Variants in TBC1D8B observed in about 807,000 individuals in gnomAD.
TBC1D8B encodes the protein RP11-321G1.1.
TBC1D8B carries 75 observed loss-of-function variants against 82.9 expected under a neutral mutation model. That is an observed-to-expected ratio of 0.90 (90% CI 0.75 to 1.10). The LOEUF (loss-of-function observed/expected upper bound fraction) is 1.10. Among genes scored for constraint, TBC1D8B ranks in the 50% least tolerant of loss-of-function variants. The probability of loss-of-function intolerance (pLI) is 0.00; values close to 1 mark genes in which losing one functional copy is unlikely to be tolerated. For synonymous variants in TBC1D8B, 276 were observed against 276.8 expected (o/e 1.00, Z 0.03); for missense variants, 794 against 796.9 (o/e 1.00, Z 0.04).
chrX:106,825,362 G>A (rs749773088), intron 5 of TBC1D8B, among the ~76,000 whole-genome samples: 43 of 111,191 alleles, frequency 3.9e-4, no homozygotes, highest in Middle Eastern at 4.7e-3. Flanking sequence ...CAATTGTTTC[G>A]TGTGCCTAGA....
rs930315510 is a variant in TBC1D8B at position 106,802,690 on chromosome X, C to T, written c.-164C>T. On this transcript the variant is annotated 5_prime_UTR_variant, in exon 1 of 21. It adds an upstream start codon to the 5' untranslated region. Coordinates refer to ENST00000357242, the MANE Select transcript of TBC1D8B (RefSeq NM_017752.3). ...AGGGAATTGGCAATCTCTCTGCCTA[C>T]GTGGGAGAGAAGGGAGGGTTGGGGG... 14 of 668,343 alleles carry T rather than the reference C, an allele frequency of 2.1e-5. No individual in the cohort carries two copies. 55.1% of individuals were successfully genotyped at this position (668,343 alleles called of 1,213,427 possible).
intron 1 of TBC1D8B, among the ~76,000 whole-genome samples, chrX:106,803,510 CTG>C (rs1346304628): frequency 1.8e-5 from 2 of 111,137 alleles, no homozygotes; most frequent in East Asian, 5.7e-4. Flanking sequence ...GGAGGGAGAA[CTG>C]GAGTCAGGAG....
chrX:106,873,727 G>T lies in TBC1D8B; in HGVS notation c.3125G>T (p.Gly1042Val). 6 of 1,211,784 alleles carry T rather than the reference G, an allele frequency of 5.0e-6. No individual in the cohort carries two copies. The highest frequency in any genetic ancestry group is 6.7e-6 in the Non-Finnish European group (6 of 895,533). Residue 1042 changes from glycine (G) to valine (V), a missense_variant, in exon 21 of 21, where the codon GGA becomes GTA. By Grantham distance (109) the Gly-to-Val change is moderately radical. Transcript: ENST00000357242. ...KLHSPTSSAK[G>V]FSGTVCGSGG... Reference sequence around the variant, plus strand: ...CATAGCCCTACATCATCAGCCAAAGGATTCTCTGGTACTGTCTGTGGTTCT... The same window carrying T: ...CATAGCCCTACATCATCAGCCAAAGTATTCTCTGGTACTGTCTGTGGTTCT...
intron 14 of TBC1D8B, among the ~76,000 whole-genome samples, chrX:106,855,480 A>G (rs939377757): frequency 1.2e-4 from 13 of 112,023 alleles, no homozygotes; most frequent in Non-Finnish European, 2.4e-4. Flanking sequence ...TTTTGAAATG[A>G]GATCATACCA....
intron 1 of TBC1D8B, among the ~76,000 whole-genome samples, chrX:106,804,538 C>T (rs968257243): frequency 2.7e-5 from 3 of 111,463 alleles, no homozygotes; most frequent in Admixed American, 1.9e-4. Flanking sequence ...ATTTTAGAAT[C>T]GATGTTCATA....
intron 8 of TBC1D8B, 143 bp downstream of exon 8, chrX:106,839,600 T>A: frequency 2.0e-6 from 1 of 495,825 alleles, no homozygotes; most frequent in South Asian, 7.2e-5. Flanking sequence ...CTGTGTAACT[T>A]ATTTAGTTCC....
chrX:106,811,008 A>G (rs1481875424), intron 1 of TBC1D8B, among the ~76,000 whole-genome samples: 2 of 112,364 alleles, frequency 1.8e-5, no homozygotes, highest in Non-Finnish European at 3.8e-5. Flanking sequence ...GAAGAAAGAA[A>G]AAAAGAAAAA....
intron 7 of TBC1D8B, among the ~76,000 whole-genome samples, chrX:106,833,057 TG>T (rs1932082420): frequency 9.0e-6 from 1 of 111,466 alleles, no homozygotes; most frequent in Non-Finnish European, 1.9e-5. Context: ...GAAAAGCATT[TG>T]TTTATATTTT....
intron 14 of TBC1D8B, among the ~76,000 whole-genome samples, chrX:106,857,537 G>A (rs1932722798): frequency 1.8e-5 from 2 of 111,255 alleles, no homozygotes; most frequent in South Asian, 3.8e-4. Context: ...GTACTCAATA[G>A]GTAGTTTTTT....
chrX:106,813,227 T>A (rs1323208925), intron 1 of TBC1D8B, among the ~76,000 whole-genome samples: 1 of 111,670 alleles, frequency 9.0e-6, no homozygotes, highest in African/African-American at 3.3e-5. Context: ...ATGTCTAGAA[T>A]TTACTTTAAA....
chrX:106,803,454 G>GT (rs1556340603), intron 1 of TBC1D8B, among the ~76,000 whole-genome samples: 2 of 108,341 alleles, frequency 1.8e-5, no homozygotes, highest in Non-Finnish European at 3.8e-5. Context: ...AAAGGGAGGC[G>GT]CCCAATCACA....
rs754040142 is a variant in TBC1D8B, at chrX:106,818,631, T to G, written c.131-32T>G. 72 of 1,052,152 alleles carry G rather than the reference T, an allele frequency of 6.8e-5. No homozygotes were observed. In the South Asian group the frequency reaches 1.0e-3, roughly 15 times the overall value. 86.7% of individuals were successfully genotyped at this position (1,052,152 alleles called of 1,213,427 possible). A position where few individuals can be genotyped will look rare whatever the true frequency, so the allele number is the denominator to read the frequency against. ...CAGATTTGATTTATCTCTTGTAAAG[T>G]CCTTATTTCAACAATCTTTCTATTA... On this transcript the variant is annotated intron_variant, in intron 1 of 20. Transcript: ENST00000357242.
intron 7 of TBC1D8B, among the ~76,000 whole-genome samples, chrX:106,835,453 C>T: frequency 8.9e-6 from 1 of 112,165 alleles, no homozygotes; most frequent in Non-Finnish European, 1.9e-5. Flanking sequence ...GAGGGGCTGA[C>T]GTGAAGATCT....
chrX:106,852,904 C>T (rs1278996630), intron 12 of TBC1D8B, among the ~76,000 whole-genome samples: 1 of 110,925 alleles, frequency 9.0e-6, no homozygotes, highest in African/African-American at 3.3e-5. Context: ...CTTGGCGATG[C>T]GGGCTCTTTT....
At chrX:106,872,588 TAA>T (rs1242147768) in intron 20 of TBC1D8B, among the ~76,000 whole-genome samples, 1 of 107,411 alleles carries the variant, frequency 9.3e-6, no homozygotes, top group East Asian at 2.9e-4. Context: ...AAGTGCAGCC[TAA>T]TTTATGCATA....
At chrX:106,849,169 G>A (rs1932529591) in intron 11 of TBC1D8B, 1 of 943,161 alleles carries the variant, frequency 1.1e-6, no homozygotes, top group East Asian at 3.4e-5. Context: ...AGGCTTTCAG[G>A]ATTGTGGTTA....
At chrX:106,849,368 C>T in intron 11 of TBC1D8B, 1 of 1,087,947 alleles carries the variant, frequency 9.2e-7, no homozygotes, top group Admixed American at 3.3e-5. Flanking sequence ...CTACTTACTC[C>T]TATTCCCCAA....
At chrX:106,818,920 AT>A in intron 2 of TBC1D8B, 147 bp downstream of exon 2, 1 of 417,062 alleles carries the variant, frequency 2.4e-6, no homozygotes, top group Non-Finnish European at 3.9e-6. Flanking sequence ...CAAGACCTCT[AT>A]TTTTAAAGGA....
chrX:106,833,359 G>A (rs953677237), intron 7 of TBC1D8B, among the ~76,000 whole-genome samples: 2 of 111,577 alleles, frequency 1.8e-5, no homozygotes, highest in Admixed American at 1.9e-4. Flanking sequence ...AGTCTGATGA[G>A]TGCCAAGTTT....
Sources: allele counts gnomAD v4.1 joint callset (sites outside exome capture counted in the v4.1 genomes callset), GRCh38; gene constraint gnomAD v4.1.1; transcripts MANE v1.5; gene names NCBI Gene and HGNC (gene_info 2026-07-23, HGNC 2026-07-21).